The following ZNF808 variants were observed in gnomAD, a reference collection of about 807,000 sequenced individuals.
ZNF808 encodes the protein zinc finger protein 808.
Under a neutral mutation model 8.7 loss-of-function variants are expected in ZNF808, and 5 were observed. That is an observed-to-expected ratio of 0.58 (90% CI 0.30 to 1.21). The LOEUF is 1.21. Among genes scored for constraint, ZNF808 ranks in the 50% most tolerant of loss-of-function variants. The probability of loss-of-function intolerance (pLI) is 0.07; values close to 1 mark genes in which losing one functional copy is unlikely to be tolerated. For missense variants in ZNF808, 1,103 were observed against 1,098.4 expected (o/e 1.00, Z -0.06); for synonymous variants, 380 against 366.0 (o/e 1.04, Z -0.44).
downstream of ZNF808, among the ~76,000 whole-genome samples, chr19:52,566,248 C>T (rs959609269): frequency 6.6e-6 from 1 of 151,954 alleles, no homozygotes; most frequent in Non-Finnish European, 1.5e-5. Context: ...TCACTGAAAC[C>T]TCTGCCTCCC....
rs1253438138 is a variant in ZNF808 at position 52,553,090 on chromosome 19, G to A, written c.191-17G>A. 9.8e-6 allele frequency: 15 copies of A among 1,529,276 alleles called. No individual in the cohort carries two copies. Among genetic ancestry groups the A allele is most frequent in the Middle Eastern group, 1.8e-4 (1 of 5,682 alleles). The allele number at this position is 1,529,276 out of a possible 1,614,324, so 94.7% of individuals were successfully genotyped here. On this transcript the variant is annotated splice_polypyrimidine_tract_variant and intron_variant, in intron 4 of 4. Transcript: ENST00000359798. ...TCTGTACTTAATTGGAAATGTATTG[G>A]TGTTTATATTTTGTAGATATCTCTT...
chr19:52,529,040 G>T (rs549305201), intron 1 of ZNF808, among the ~76,000 whole-genome samples: 23 of 149,714 alleles, frequency 1.5e-4, no homozygotes, highest in Admixed American at 1.5e-3. Context: ...AGAAGGGGGA[G>T]AATGAGAGAT....
intron 3 of ZNF808, among the ~76,000 whole-genome samples, chr19:52,544,517 G>A (rs754748407): frequency 6.6e-6 from 1 of 152,066 alleles, no homozygotes; most frequent in Non-Finnish European, 1.5e-5. Flanking sequence ...TTTTAGTTGA[G>A]ACGGGGTTTC....
chr19:52,529,033 AG>A (rs372600476), intron 1 of ZNF808, among the ~76,000 whole-genome samples: 66 of 151,418 alleles, frequency 4.4e-4, no homozygotes, highest in South Asian at 8.4e-4. Flanking sequence ...TAGAGAGAGA[AG>A]GGGGAGAATG....
At chr19:52,568,534 T>C (rs996093149), downstream of ZNF808, among the ~76,000 whole-genome samples, 4 of 152,176 alleles carry the variant, frequency 2.6e-5, no homozygotes, top group African/African-American at 9.7e-5. Context: ...TAACCTTCCT[T>C]GAAGTGTATC....
At chr19:52,548,921 C>T (rs1443179315) in intron 4 of ZNF808, among the ~76,000 whole-genome samples, 1 of 151,950 alleles carries the variant, frequency 6.6e-6, no homozygotes, top group African/African-American at 2.4e-5. Context: ...AGTTCGAGTC[C>T]AGCTTGGCCA....
At chr19:52,567,770 C>T (rs965329667), downstream of ZNF808, among the ~76,000 whole-genome samples, 2 of 151,968 alleles carry the variant, frequency 1.3e-5, no homozygotes, top group African/African-American at 2.4e-5. Context: ...GGCCATCCGC[C>T]GTCCTCAGCC....
At chr19:52,568,583 G>A (rs1244574411), downstream of ZNF808, among the ~76,000 whole-genome samples, 1 of 152,078 alleles carries the variant, frequency 6.6e-6, no homozygotes, top group Non-Finnish European at 1.5e-5. Flanking sequence ...CTATGCACTG[G>A]ACTTGAATGG....
chr19:52,553,549 TC>T lies in ZNF808; in HGVS notation c.637del (p.Leu213Ter). On this transcript the variant is annotated frameshift_variant, in exon 5 of 5. Transcript: ENST00000359798. LOFTEE classifies it low-confidence loss of function (END_TRUNC). ...ATATTTCTAATAACTATGGGAATAA[TC>T]CCCTGAATTCTTCATTACTCCCACA... ...IHISNNYGNN[P>X]LNSSLLPQKQ... 6.2e-7 allele frequency: 1 copy of T among 1,614,150 alleles called. No homozygotes were observed. Among genetic ancestry groups the T allele is most frequent in the Middle Eastern group, 1.6e-4 (1 of 6,062 alleles).
downstream of ZNF808, among the ~76,000 whole-genome samples, chr19:52,558,017 C>CTTTTTTT (rs66789100): frequency 2.7e-3 from 123 of 46,364 alleles, 8 homozygotes; most frequent in African/African-American, 1.0e-2. Context: ...CTAGGTGTGG[C>CTTTTTTT]TTTTTTTTTT....
chr19:52,548,103 A>T (rs1413037380), intron 4 of ZNF808, among the ~76,000 whole-genome samples: 1 of 152,138 alleles, frequency 6.6e-6, no homozygotes, highest in African/African-American at 2.4e-5. Context: ...CGTTCATCCC[A>T]TAAACTAATG....
At chr19:52,548,640 G>C (rs1600011619) in intron 4 of ZNF808, among the ~76,000 whole-genome samples, 1 of 152,044 alleles carries the variant, frequency 6.6e-6, no homozygotes, top group African/African-American at 2.4e-5. Flanking sequence ...GGCCAGGCTG[G>C]TTTTGATAGC....
chr19:52,553,023 T>C, intron 4 of ZNF808, 84 bp from the exon 5 acceptor site: 1 of 1,418,992 alleles, frequency 7.0e-7, no homozygotes, highest in Admixed American at 2.7e-5. Context: ...AAATAAGTAT[T>C]GTTTTTTGTG....
intron 3 of ZNF808, among the ~76,000 whole-genome samples, chr19:52,545,121 G>A (rs866118214): frequency 2.0e-4 from 31 of 152,316 alleles, no homozygotes; most frequent in African/African-American, 7.0e-4. Context: ...GCAATGGAAA[G>A]TGGAGATAGG....
chr19:52,558,044 T>TG (rs2059844202), downstream of ZNF808, among the ~76,000 whole-genome samples: 1 of 138,510 alleles, frequency 7.2e-6, no homozygotes, highest in Non-Finnish European at 1.5e-5. Context: ...TTTTTTTTTT[T>TG]GAGGGTAGGA....
intron 4 of ZNF808, 142 bp from the exon 5 acceptor site, chr19:52,552,965 C>G: frequency 8.1e-7 from 1 of 1,236,680 alleles, no homozygotes; most frequent in Non-Finnish European, 1.1e-6. Context: ...TAAAGAATCT[C>G]ACTCTTTTTG....
At chr19:52,562,618 T>C (rs1244121268) in intron 3 of ZNF808, among the ~76,000 whole-genome samples, 1 of 152,210 alleles carries the variant, frequency 6.6e-6, no homozygotes, top group Admixed American at 6.5e-5. Context: ...CTGATCCCAG[T>C]TTATAAATTT....
In ZNF808 at chr19:52,553,477, T is replaced by C. The variant is rs750357390; in HGVS notation, c.561T>C (p.Ala187=). 6 of 1,614,194 alleles carry C rather than the reference T, an allele frequency of 3.7e-6. No individual in the cohort carries two copies. The highest frequency in any genetic ancestry group is 2.5e-6 in the Non-Finnish European group (3 of 1,180,028). Residue 187 remains alanine (A), a synonymous_variant, in exon 5 of 5, where the codon GCT becomes GCC. Coordinates refer to ENST00000359798, the MANE Select transcript of ZNF808 (RefSeq NM_001039886.4). The stretch of plus-strand genomic sequence containing the variant: ...AACTTGAGAAGTCTACCAGTGATGC[T>C]TCCTCAGTTTCAACATCCCAAAGAA... ...ANQLEKSTSD[A]SSVSTSQRIS...
At chr19:52,561,318 A>G (rs923933672), downstream of ZNF808, among the ~76,000 whole-genome samples, 1 of 151,156 alleles carries the variant, frequency 6.6e-6, no homozygotes, top group African/African-American at 2.4e-5. Context: ...TACATGTTCC[A>G]TGTTGGTGTG....
Sources: gnomAD v4.1 joint callset for allele counts (sites outside exome capture counted in the v4.1 genomes callset) on GRCh38, gnomAD v4.1.1 for gene constraint, MANE v1.5 for transcripts, NCBI Gene and HGNC (gene_info 2026-07-23, HGNC 2026-07-21) for gene names.